The following ANKZF1 variants were observed in gnomAD, a reference collection of about 807,000 sequenced individuals.
ANKZF1 encodes the protein tRNA endonuclease ANKZF1.
ANKZF1 carries 84 observed loss-of-function variants against 86.0 expected under a neutral mutation model. The ratio of observed to expected loss-of-function variants is 0.98; its 90% CI spans 0.82 to 1.17. The LOEUF is 1.17. ANKZF1 is among the 50% of genes most tolerant of loss of function. The probability of loss-of-function intolerance (pLI) is 0.00; values close to 1 mark genes in which losing one functional copy is unlikely to be tolerated. For missense variants in ANKZF1, 893 were observed against 918.4 expected (o/e 0.97, Z 0.36); for synonymous variants, 331 against 354.2 (o/e 0.93, Z 0.74).
rs909304223 is a variant in ANKZF1, at chr2:219,232,563, G to A, written c.438G>A (p.Arg146=). 7 of 1,614,176 alleles carry A rather than the reference G, an allele frequency of 4.3e-6. No homozygotes were observed. The highest frequency in any genetic ancestry group is 5.9e-6 in the Non-Finnish European group (7 of 1,180,044). ...ASEEDLQTLD[R]ERATFEKLSR... ...AGGAGGACTTGCAGACACTGGATCG[G>A]GAGAGGGCTACATTTGAGAAGTTGA... Residue 146 remains arginine (R), a synonymous_variant, in exon 5 of 14, where the codon CGG becomes CGA. Coordinates refer to ENST00000323348, the MANE Select transcript of ANKZF1 (RefSeq NM_018089.3).
Position 219,233,204 on chromosome 2 carries a change from T to G in ANKZF1, c.671+13T>G. On this transcript the variant is annotated intron_variant, in intron 6 of 13. Transcript: ENST00000323348. ...CTATATTTCAAGGGTGAGAGGGTGC[T>G]GCATGGGGGTAAGGATGGAGTGGAT... The G allele has an allele frequency of 6.2e-7, 1 of 1,614,200 alleles. No individual in the cohort carries two copies. Among genetic ancestry groups the G allele is most frequent in the Non-Finnish European group, 8.5e-7 (1 of 1,180,022 alleles).
Position 219,232,315 on chromosome 2 carries a change from A to G in ANKZF1, c.317A>G (p.Asp106Gly), listed in dbSNP as rs1365115064. 6.2e-7 allele frequency: 1 copy of G among 1,614,248 alleles called. No homozygotes were observed. Among genetic ancestry groups the G allele is most frequent in the South Asian group, 1.1e-5 (1 of 91,090 alleles). The change falls in exon 4 of 14, where the codon GAC (aspartate) becomes GGC (glycine). Residue 106 changes from aspartate (D) to glycine (G), a missense_variant. By Grantham distance (94) the Asp-to-Gly change is moderately conservative (BLOSUM62 -1). Transcript: ENST00000323348. ...HRFNLKQRLK[D>G]KPLLSALDFE... ...TTTAACCTAAAGCAACGTCTCAAGGACAAGCCTCTCCTGTCTGCCCTGGAC... is the reference window on the plus strand; with the variant it reads ...TTTAACCTAAAGCAACGTCTCAAGGGCAAGCCTCTCCTGTCTGCCCTGGAC...
chr2:219,233,925 A>C lies in ANKZF1; in HGVS notation c.1030A>C (p.Thr344Pro). Residue 344 changes from threonine (T) to proline (P), a missense_variant, in exon 8 of 14, where the codon ACC (threonine) becomes CCC (proline). Thr to Pro is a conservative substitution (Grantham distance 38). Coordinates refer to ENST00000323348, the MANE Select transcript of ANKZF1 (RefSeq NM_018089.3). ...GCTACAGCGTGTGCTCCATAAGCTG[A>C]CCACTTTGCATGTCTATGGTGAGCC... is the stretch of plus-strand genomic sequence containing the variant. ...QELQRVLHKL[T>P]TLHVYEEDPR... The C allele has an allele frequency of 6.3e-7, 1 of 1,582,156 alleles. No individual in the cohort carries two copies.
chr2:219,231,761 T>C (rs967799834), intron 2 of ANKZF1, 167 bp from the exon 3 acceptor site: 1 of 605,700 alleles, frequency 1.7e-6, no homozygotes, highest in African/African-American at 1.9e-5. Flanking sequence ...ATTAAGTGAT[T>C]GCTGTACTGT....
At chr2:219,233,627 C>A in intron 7 of ANKZF1, 88 bp from the exon 8 acceptor site, 1 of 1,458,824 alleles carries the variant, frequency 6.9e-7, no homozygotes, top group Non-Finnish European at 9.3e-7. Context: ...ACTTTCCACC[C>A]CTTGCACTTC....
chr2:219,233,478 T>C (rs1430677926), intron 7 of ANKZF1, 45 bp downstream of exon 7: 3 of 1,531,370 alleles, frequency 2.0e-6, no homozygotes, highest in Non-Finnish European at 2.6e-6. Context: ...CCATACTTTT[T>C]TTGCATCTCT....
Position 219,236,526 on chromosome 2 carries a change from G to GAAA in ANKZF1, c.*82_*84dup, listed in dbSNP as rs1951243562. 1 of 1,491,784 alleles carries GAAA rather than the reference G, an allele frequency of 6.7e-7. No homozygotes were observed. The highest frequency in any genetic ancestry group is 2.3e-5 in the East Asian group (1 of 43,854). 92.4% of individuals were successfully genotyped at this position (1,491,784 alleles called of 1,614,324 possible). Reference sequence around the variant, plus strand: ...CAGCCCTAGGTTTTTTCTTCCCCGTGAAACCAGAGATGATTTGGAAGATGG... The same window carrying GAAA: ...CAGCCCTAGGTTTTTTCTTCCCCGTGAAAAAACCAGAGATGATTTGGAAGATGG... On this transcript the variant is annotated 3_prime_UTR_variant, in exon 14 of 14. Transcript: ENST00000323348.
chr2:219,233,779 T>C lies in ANKZF1; in HGVS notation c.884T>C (p.Leu295Pro). 1 of 1,614,126 alleles carries C rather than the reference T, an allele frequency of 6.2e-7. No individual in the cohort carries two copies. The highest frequency in any genetic ancestry group is 8.5e-7 in the Non-Finnish European group (1 of 1,180,042). ...AKALEEAGTILLRAPRSGRSL... is the reference protein window; with the variant it reads ...AKALEEAGTIPLRAPRSGRSL... Reference sequence around the variant, plus strand: ...GCGCTGGAGGAGGCTGGTACAATACTGTTGCGTGCTCCCCGCTCTGGCCGG... The same window carrying C: ...GCGCTGGAGGAGGCTGGTACAATACCGTTGCGTGCTCCCCGCTCTGGCCGG... Residue 295 changes from leucine (L) to proline (P), a missense_variant, in exon 8 of 14, where the codon CTG (leucine) becomes CCG (proline). By Grantham distance (98) the Leu-to-Pro change is moderately conservative. Coordinates refer to ENST00000323348, the MANE Select transcript of ANKZF1 (RefSeq NM_018089.3).
Position 219,233,276 on chromosome 2 carries a change from C to G in ANKZF1, c.672-10C>G, listed in dbSNP as rs747839337. The G allele has an allele frequency of 1.2e-6, 2 of 1,614,114 alleles. No individual in the cohort carries two copies. Among genetic ancestry groups the G allele is most frequent in the African/African-American group, 2.7e-5 (2 of 74,936 alleles). On this transcript the variant is annotated splice_polypyrimidine_tract_variant and intron_variant, in intron 6 of 13. Coordinates refer to ENST00000323348, the MANE Select transcript of ANKZF1 (RefSeq NM_018089.3). Reference sequence around the variant, plus strand: ...GCTGGTCTCCAGTACTGAGTCTGTGCTGTCTACAGAAGAGAAGTGGTGACA... The same window carrying G: ...GCTGGTCTCCAGTACTGAGTCTGTGGTGTCTACAGAAGAGAAGTGGTGACA...
In ANKZF1 at chr2:219,234,995, TCTC is replaced by T; in HGVS notation, c.1376_1378del (p.Leu459del). ...AGGAGGCTGGGGCACATCGGACTCTTCTCCAGCAAACTCAAGAAGAGGAGCCTT... is the reference window on the plus strand; with the variant it reads ...AGGAGGCTGGGGCACATCGGACTCTTCAGCAAACTCAAGAAGAGGAGCCTT... On this transcript the variant is annotated inframe_deletion, in exon 10 of 14. Transcript: ENST00000323348. The T allele has an allele frequency of 6.2e-7, 1 of 1,614,218 alleles. No individual in the cohort carries two copies. The highest frequency in any genetic ancestry group is 8.5e-7 in the Non-Finnish European group (1 of 1,180,046).
In ANKZF1 at chr2:219,233,901, C is replaced by CTACA. The variant is rs759530205; in HGVS notation, c.1007_1010dup (p.Gln337HisfsTer7). ...CACCCGCAGACCCACCTTCCAAGAG[C>CTACA]TACAGCGTGTGCTCCATAAGCTGAC... On this transcript the variant is annotated frameshift_variant, in exon 8 of 14. Transcript: ENST00000323348. LOFTEE classifies it high-confidence loss of function. 1.2e-5 allele frequency: 19 copies of CTACA among 1,604,730 alleles called. No individual in the cohort carries two copies. Among genetic ancestry groups the CTACA allele is most frequent in the Non-Finnish European group, 1.5e-5 (18 of 1,175,804 alleles).
chr2:219,233,580 A>C (rs1951110834), intron 7 of ANKZF1, 135 bp from the exon 8 acceptor site: 1 of 1,399,454 alleles, frequency 7.1e-7, no homozygotes, highest in South Asian at 1.4e-5. Context: ...ATTCCCCAGG[A>C]GCCTTAGTCC....
At chr2:219,230,095 C>T (rs770776358) in intron 1 of ANKZF1, 133 bp from the exon 2 acceptor site, 38 of 677,558 alleles carry the variant, frequency 5.6e-5, no homozygotes, top group Non-Finnish European at 8.3e-5. Flanking sequence ...CCAAGGTATT[C>T]ATCTCACAGT....
rs1336533355 is a variant in ANKZF1 at position 219,236,567 on chromosome 2, G to A, written c.*122G>A. On this transcript the variant is annotated 3_prime_UTR_variant, in exon 14 of 14. Coordinates refer to ENST00000323348, the MANE Select transcript of ANKZF1 (RefSeq NM_018089.3). Reference sequence around the variant, plus strand: ...TGGAAGATGGGGGTGAAGGACACTCGGGAACTAGGGCAAAGACAGGGCTAG... The same window carrying A: ...TGGAAGATGGGGGTGAAGGACACTCAGGAACTAGGGCAAAGACAGGGCTAG... The A allele has an allele frequency of 8.4e-6, 11 of 1,302,608 alleles. No homozygotes were observed. The highest frequency in any genetic ancestry group is 1.1e-5 in the Non-Finnish European group (11 of 958,024). 80.7% of individuals were successfully genotyped at this position (1,302,608 alleles called of 1,614,324 possible).
At chr2:219,234,737 AATTTC>A in intron 9 of ANKZF1, 84 bp from the exon 10 acceptor site, 2 of 1,482,832 alleles carry the variant, frequency 1.3e-6, no homozygotes, top group Non-Finnish European at 9.1e-7. Context: ...AAATAAAAAC[AATTTC>A]ATTTCAGGCT....
At position 219,230,214 on chromosome 2, in the gene ANKZF1, G is replaced by T. The variant is rs201359327; in HGVS notation, c.-30-14G>T. 5 of 1,595,474 alleles carry T rather than the reference G, an allele frequency of 3.1e-6. No individual in the cohort carries two copies. The East Asian group carries it at 1.1e-4, about 36-fold the overall frequency. On this transcript the variant is annotated splice_polypyrimidine_tract_variant and intron_variant, in intron 1 of 13. Coordinates refer to ENST00000323348, the MANE Select transcript of ANKZF1 (RefSeq NM_018089.3). The stretch of plus-strand genomic sequence containing the variant: ...TTTGCAGGAGCCCTGTTTCTTACAC[G>T]CTTTCTACTCCAGGAGCTGCTGCTA...
intron 2 of ANKZF1, chr2:219,230,904 AATT>A: frequency 6.6e-6 from 1 of 152,344 alleles, no homozygotes; most frequent in African/African-American, 2.4e-5. Context: ...ATGCCCGGCT[AATT>A]ATTGTATTTT....
rs140463651 is a variant in ANKZF1 at position 219,235,567 on chromosome 2, C to T, written c.1785C>T (p.Tyr595=). 1.9e-4 allele frequency: 310 copies of T among 1,613,934 alleles called. No homozygotes were observed. The highest frequency in any genetic ancestry group is 3.3e-4 in the Middle Eastern group (2 of 6,060). The change falls in exon 11 of 14, where the codon TAC becomes TAT. Residue 595 remains tyrosine (Y), a synonymous_variant. Transcript: ENST00000323348. ...TCATGGAGAAGAATCCAGATGCCTA[C>T]GATTACAACAAGGCTCAGGTCATCT... ...RRFMEKNPDA[Y]DYNKAQVPGP...
chr2:219,234,366 C>T (rs548458187), intron 9 of ANKZF1, 78 bp downstream of exon 9: 1 of 1,576,920 alleles, frequency 6.3e-7, no homozygotes, highest in African/African-American at 1.3e-5. Context: ...ACTCTCATAA[C>T]TGACCCATTT....
Sources: gnomAD v4.1 joint callset for allele counts on GRCh38, gnomAD v4.1.1 for gene constraint, MANE v1.5 for transcripts, NCBI Gene and HGNC (gene_info 2026-07-23, HGNC 2026-07-21) for gene names.